The following TAF5 variants were observed in gnomAD, a reference collection of about 807,000 sequenced individuals.
TAF5 encodes the protein TATA-box binding protein associated factor 5, also known as transcription initiation factor TFIID subunit 5.
Under a neutral mutation model 80.9 loss-of-function variants are expected in TAF5, and 20 were observed. The observed-to-expected ratio is 0.25, with a 90% CI of 0.17 to 0.36. The LOEUF is 0.36. Among genes scored for constraint, TAF5 ranks in the 10% least tolerant of loss-of-function variants. The probability of loss-of-function intolerance (pLI) is 1.00; values close to 1 mark genes in which losing one functional copy is unlikely to be tolerated. For missense variants in TAF5, 863 were observed against 1,029.4 expected (o/e 0.84, Z 2.21); for synonymous variants, 388 against 406.4 (o/e 0.95, Z 0.55).
At position 103,388,066 on chromosome 10, in the gene TAF5, C is replaced by A; in HGVS notation, c.2246C>A (p.Thr749Asn). ...ATCAAAGCCTTTGAAGATTTAGAGA[C>A]CGATGACTTTACTACAGCCACTGGG... is the stretch of plus-strand genomic sequence containing the variant. ...DAIKAFEDLE[T>N]DDFTTATGHI... The change falls in exon 11 of 11, where the codon ACC becomes AAC. Residue 749 changes from threonine to asparagine, a missense_variant. Transcript: ENST00000369839. 6.2e-7 allele frequency: 1 copy of A among 1,614,048 alleles called. No individual in the cohort carries two copies. Among genetic ancestry groups the A allele is most frequent in the Non-Finnish European group, 8.5e-7 (1 of 1,179,962 alleles).
chr10:103,383,487 T>G, intron 7 of TAF5, 120 bp downstream of exon 7: 1 of 980,824 alleles, frequency 1.0e-6, no homozygotes, highest in Non-Finnish European at 1.4e-6. Context: ...CATGGTTGTC[T>G]GACGTTCATC....
chr10:103,378,616 T>C lies in TAF5; in HGVS notation c.1113+66T>C. ...AAAAATTGTAGCATTTCCATCTACA[T>C]AAGTTACACATTTTTCTTATAGCTA... On this transcript the variant is annotated intron_variant, in intron 3 of 10. Transcript: ENST00000369839. This position sits in a 1 kb window ranked among gnomAD's most constrained non-coding sequence, Gnocchi z 4.1. The C allele has an allele frequency of 2.7e-6, 4 of 1,475,572 alleles. No homozygotes were observed. Among genetic ancestry groups the C allele is most frequent in the Non-Finnish European group, 3.6e-6 (4 of 1,100,912 alleles). 91.4% of individuals were successfully genotyped at this position (1,475,572 alleles called of 1,614,324 possible). A position where few individuals can be genotyped will look rare whatever the true frequency, so the allele number is the denominator to read the frequency against.
Position 103,368,262 on chromosome 10 carries a change from G to A in TAF5, c.273G>A (p.Pro91=). The A allele has an allele frequency of 6.5e-7, 1 of 1,540,646 alleles. No individual in the cohort carries two copies. Among genetic ancestry groups the A allele is most frequent in the East Asian group, 2.5e-5 (1 of 39,796 alleles). ...CCGCTGCTCCGGACGCCGGCGCTCC[G>A]CATGACCGACAGACTCTACTGGCCG... ...VPAAAPDAGA[P]HDRQTLLAVL... is the part of the protein sequence containing the mutation. Residue 91 remains proline (P), a synonymous_variant, in exon 1 of 11, where the codon CCG becomes CCA. Coordinates refer to ENST00000369839, the MANE Select transcript of TAF5 (RefSeq NM_006951.5).
chr10:103,387,032 T>G, intron 8 of TAF5, 143 bp from the exon 9 acceptor site: 1 of 725,216 alleles, frequency 1.4e-6, no homozygotes, highest in South Asian at 2.5e-5. Context: ...TCATTTTTCT[T>G]CCCCTCAGTT....
chr10:103,376,895 T>A (rs1232757765), intron 2 of TAF5, among the ~76,000 whole-genome samples: 1 of 152,132 alleles, frequency 6.6e-6, no homozygotes, highest in African/African-American at 2.4e-5. Flanking sequence ...ATACAAAAGA[T>A]TAGCCAGCCA....
At chr10:103,385,250 T>C (rs1252685620) in intron 7 of TAF5, 76 bp from the exon 8 acceptor site, 1 of 1,168,506 alleles carries the variant, frequency 8.6e-7, no homozygotes, top group Non-Finnish European at 1.2e-6. Context: ...ATTAAATGTA[T>C]TCAAATGTAT....
chr10:103,369,548 A>G (rs1049395183), intron 1 of TAF5, among the ~76,000 whole-genome samples: 1 of 151,894 alleles, frequency 6.6e-6, no homozygotes, highest in Non-Finnish European at 1.5e-5. Context: ...TATTTTTAGT[A>G]GAGATGGGGT....
chr10:103,371,814 G>A (rs145532780), intron 1 of TAF5, among the ~76,000 whole-genome samples: 326 of 152,304 alleles, frequency 2.1e-3, no homozygotes, highest in African/African-American at 7.4e-3. Flanking sequence ...TGGCTTGGTC[G>A]TGGTGGGTGC....
At position 103,368,414 on chromosome 10, in the gene TAF5, A is replaced by C. The variant is rs765030995; in HGVS notation, c.425A>C (p.Glu142Ala). 4 of 1,508,820 alleles carry C rather than the reference A, an allele frequency of 2.7e-6. No homozygotes were observed. The highest frequency in any genetic ancestry group is 2.2e-4 in the Middle Eastern group (1 of 4,456). The allele number at this position is 1,508,820 out of a possible 1,614,324, so 93.5% of individuals were successfully genotyped here. The change falls in exon 1 of 11, where the codon GAG becomes GCG. Residue 142 changes from glutamate (E) to alanine (A), a missense_variant. Glu to Ala is a moderately radical substitution (Grantham distance 107). Transcript: ENST00000369839. ...APGEVDSAGA[E>A]VTSALLSRVT... ...GGAGAGGTGGACAGCGCCGGCGCTG[A>C]GGTGACCAGCGCGCTTCTCAGCCGG...
chr10:103,385,190 T>G, intron 7 of TAF5, 136 bp from the exon 8 acceptor site: 1 of 659,486 alleles, frequency 1.5e-6, no homozygotes. Flanking sequence ...GAATTAAAAG[T>G]GAGATGCAGC....
intron 8 of TAF5, 57 bp downstream of exon 8, chr10:103,385,547 T>C: frequency 1.3e-6 from 2 of 1,567,314 alleles, no homozygotes; most frequent in Non-Finnish European, 1.7e-6. Flanking sequence ...TGGTTTCTTG[T>C]TGGGAATTAC....
Position 103,385,462 on chromosome 10 carries a change from G to C in TAF5, c.1801G>C (p.Val601Leu). Residue 601 changes from valine (V) to leucine (L), a missense_variant, in exon 8 of 11, where the codon GTG (valine) becomes CTG (leucine). This residue lies in a region of TAF5 where 368 missense variants were observed against 461.7 expected (regional missense o/e 0.80). Coordinates refer to ENST00000369839, the MANE Select transcript of TAF5 (RefSeq NM_006951.5). Reference sequence around the variant, plus strand: ...ATTTTCTCCATATGGATATTATTTTGTGTCAGGGGGCCATGACCGAGTAGC... The same window carrying C: ...ATTTTCTCCATATGGATATTATTTTCTGTCAGGGGGCCATGACCGAGTAGC... Reference protein sequence around the residue: ...TQFSPYGYYFVSGGHDRVARL... With the variant: ...TQFSPYGYYFLSGGHDRVARL... 6.2e-7 allele frequency: 1 copy of C among 1,613,982 alleles called. No homozygotes were observed. The highest frequency in any genetic ancestry group is 8.5e-7 in the Non-Finnish European group (1 of 1,179,984).
At position 103,368,045 on chromosome 10, in the gene TAF5, G is replaced by A; in HGVS notation, c.56G>A (p.Gly19Glu). Reference protein sequence around the residue: ...TEVAVKLEPEGPPTLLPPQAG... With the variant: ...TEVAVKLEPEEPPTLLPPQAG... ...GTGGCGGTCAAGCTAGAGCCTGAGG[G>A]ACCGCCAACGCTGCTACCTCCGCAG... Residue 19 changes from glycine (G) to glutamate (E), a missense_variant, in exon 1 of 11, where the codon GGA becomes GAA. Gly to Glu is a moderately conservative substitution (Grantham distance 98). This residue lies in a region of TAF5 where 367 missense variants were observed against 335.5 expected (regional missense o/e 1.09). Coordinates refer to ENST00000369839, the MANE Select transcript of TAF5 (RefSeq NM_006951.5). 4.8e-6 allele frequency: 7 copies of A among 1,449,314 alleles called. No individual in the cohort carries two copies. The highest frequency in any genetic ancestry group is 5.4e-6 in the Non-Finnish European group (6 of 1,104,654). 89.8% of individuals were successfully genotyped at this position (1,449,314 alleles called of 1,614,324 possible).
chr10:103,372,355 G>A (rs944454799), intron 1 of TAF5, among the ~76,000 whole-genome samples: 6 of 149,500 alleles, frequency 4.0e-5, no homozygotes, highest in Non-Finnish European at 7.4e-5. Flanking sequence ...TTTTTTTTGA[G>A]ATGGAGTCTT....
chr10:103,384,679 G>A (rs1381899618), intron 7 of TAF5, among the ~76,000 whole-genome samples: 1 of 152,120 alleles, frequency 6.6e-6, no homozygotes, highest in Non-Finnish European at 1.5e-5. Context: ...ATCCATCAAG[G>A]TTTCATCATT....
chr10:103,381,921 TTG>T (rs2093383933), intron 6 of TAF5, 80 bp downstream of exon 6: 1 of 1,542,542 alleles, frequency 6.5e-7, no homozygotes, highest in African/African-American at 1.4e-5. Flanking sequence ...ACACAGGAGA[TTG>T]TGTTCTTTAC....
At chr10:103,387,133 T>G in intron 8 of TAF5, 42 bp from the exon 9 acceptor site, 1 of 1,569,126 alleles carries the variant, frequency 6.4e-7, no homozygotes, top group Non-Finnish European at 8.7e-7. Flanking sequence ...TTCACAGCTA[T>G]CTACTAATTG....
chr10:103,388,149 T>G lies in TAF5; in HGVS notation c.2329T>G (p.Ser777Ala). ...ELLLGTYMTK[S>A]TPVVHLHFTR... Reference sequence around the variant, plus strand: ...ATTGTTGGGAACATATATGACCAAATCAACACCAGTTGTACACCTTCATTT... The same window carrying G: ...ATTGTTGGGAACATATATGACCAAAGCAACACCAGTTGTACACCTTCATTT... The change falls in exon 11 of 11, where the codon TCA (serine) becomes GCA (alanine). Residue 777 changes from serine to alanine, a missense_variant. Coordinates refer to ENST00000369839, the MANE Select transcript of TAF5 (RefSeq NM_006951.5). 1.2e-6 allele frequency: 2 copies of G among 1,614,054 alleles called. No individual in the cohort carries two copies. The highest frequency in any genetic ancestry group is 1.7e-6 in the Non-Finnish European group (2 of 1,179,962).
At chr10:103,371,960 C>T (rs2093360492) in intron 1 of TAF5, among the ~76,000 whole-genome samples, 3 of 146,542 alleles carry the variant, frequency 2.0e-5, no homozygotes, top group South Asian at 2.2e-4. Context: ...TTTTTTGAGA[C>T]GGAGTCTTGC....
Sources: allele counts gnomAD v4.1 joint callset (sites outside exome capture counted in the v4.1 genomes callset), GRCh38; gene constraint gnomAD v4.1.1; regional missense constraint gnomAD v4.1.1; non-coding constraint Gnocchi (gnomAD v3.1); transcripts MANE v1.5; gene names NCBI Gene and HGNC (gene_info 2026-07-23, HGNC 2026-07-21).